Variants in ITGA11 observed in about 807,000 individuals in gnomAD.
The protein encoded by ITGA11 is integrin alpha-11.
In ITGA11, 97 loss-of-function variants were observed where a neutral mutation model predicts 141.9. That is an observed-to-expected ratio of 0.68 (90% CI 0.58 to 0.81). The LOEUF (loss-of-function observed/expected upper bound fraction) is 0.81. Ranked by LOEUF, ITGA11 falls within the 30% of genes least tolerant of loss-of-function variation. The pLI, the probability that ITGA11 is intolerant of heterozygous loss-of-function variation, is 0.00. For missense variants in ITGA11, 1,387 were observed against 1,559.2 expected (o/e 0.89, Z 1.86); for synonymous variants, 658 against 624.6 (o/e 1.05, Z -0.80).
At chr15:68,365,115 G>T in intron 3 of ITGA11, 1 of 982,458 alleles carries the variant, frequency 1.0e-6, no homozygotes, top group Non-Finnish European at 1.2e-6. Flanking sequence ...CCACTTCCCC[G>T]TGTGCCCCCA....
intron 21 of ITGA11, among the ~76,000 whole-genome samples, chr15:68,316,553 C>T (rs920582002): frequency 3.3e-5 from 5 of 152,314 alleles, no homozygotes; most frequent in East Asian, 3.9e-4. Context: ...ACCCAGAAAC[C>T]ACACCTTTGA....
rs538944045 is a variant in ITGA11, at chr15:68,389,480, C to T, written c.164+13438G>A. ...GTGTCCCCTTGGGGCTCACCAGGCT[C>T]CTGCCCTGAGGCAGAGGGACTAGAG... On this transcript the variant is annotated intron_variant, in intron 2 of 29. Coordinates refer to ENST00000315757, the MANE Select transcript of ITGA11 (RefSeq NM_001004439.2). Among the ~76,000 whole-genome samples the T allele has an allele frequency of 3.9e-5, 6 of 152,352 alleles. No homozygotes were observed. The South Asian group carries it at 1.2e-3, about 32-fold the overall frequency.
At chr15:68,362,545 A>G (rs1595878074) in intron 4 of ITGA11, among the ~76,000 whole-genome samples, 1 of 152,216 alleles carries the variant, frequency 6.6e-6, no homozygotes, top group Non-Finnish European at 1.5e-5. Context: ...GGATGGATGG[A>G]TAAGTGGATG....
chr15:68,377,683 C>G (rs1006720112), intron 2 of ITGA11, among the ~76,000 whole-genome samples: 1 of 152,238 alleles, frequency 6.6e-6, no homozygotes, highest in Non-Finnish European at 1.5e-5. Context: ...AATTTAAAAA[C>G]TGGAATCACT....
Position 68,350,780 on chromosome 15 carries a change from G to A in ITGA11, c.897C>T (p.Val299=). The A allele has an allele frequency of 6.2e-7, 1 of 1,611,746 alleles. No homozygotes were observed. The change falls in exon 9 of 30, where the codon GTC becomes GTT. Residue 299 remains valine (V), a splice_region_variant and synonymous_variant. Transcript: ENST00000315757. The stretch of plus-strand genomic sequence containing the variant: ...TCCCCCTGCGGTTGTAGTAGCCCAG[G>A]ACCTGCCAGGGAACAGGGGCAGGAA... ...RDNVTRYAVA[V]LGYYNRRGIN...
chr15:68,396,742 A>G, intron 2 of ITGA11, among the ~76,000 whole-genome samples: 1 of 150,078 alleles, frequency 6.7e-6, no homozygotes, highest in Admixed American at 6.8e-5. Flanking sequence ...TATTGTAAAT[A>G]TACAAAAATC....
intron 1 of ITGA11, among the ~76,000 whole-genome samples, chr15:68,428,984 T>C (rs903678734): frequency 2.9e-4 from 44 of 152,216 alleles, no homozygotes; most frequent in African/African-American, 1.1e-3. Flanking sequence ...CTCTGATTCT[T>C]CAATGTACTT....
intron 10 of ITGA11, among the ~76,000 whole-genome samples, chr15:68,342,800 G>C (rs1894612753): frequency 6.6e-6 from 1 of 152,166 alleles, no homozygotes; most frequent in South Asian, 2.1e-4. Flanking sequence ...AGTGAGTCGA[G>C]GCCAGAGATG....
intron 5 of ITGA11, among the ~76,000 whole-genome samples, chr15:68,359,611 ACTCCAGC>A (rs949635788): frequency 6.6e-6 from 1 of 152,112 alleles, no homozygotes; most frequent in African/African-American, 2.4e-5. Context: ...GGGCCACTAC[ACTCCAGC>A]CTGGGTGACA....
At chr15:68,309,027 A>G (rs185933662) in intron 26 of ITGA11, among the ~76,000 whole-genome samples, 178 of 152,372 alleles carry the variant, frequency 1.2e-3, no homozygotes, top group African/African-American at 4.2e-3. Context: ...CAGCTGCAGA[A>G]AAGAGCAGAA....
Position 68,300,644 on chromosome 15 carries a change from G to A in ITGA11, c.*2415C>T, listed in dbSNP as rs1567117651. On this transcript the variant is annotated 3_prime_UTR_variant, in exon 30 of 30. Transcript: ENST00000315757. Reference sequence around the variant, plus strand: ...TTGATAACAAATTGAGAGGCTAAGGGCCTTGATACAACTCTCAGTTTGTCC... The same window carrying A: ...TTGATAACAAATTGAGAGGCTAAGGACCTTGATACAACTCTCAGTTTGTCC... The A allele has an allele frequency of 6.6e-6, 1 of 152,174 alleles. No individual in the cohort carries two copies. Among genetic ancestry groups the A allele is most frequent in the Non-Finnish European group, 1.5e-5 (1 of 68,046 alleles). The allele number at this position is 152,174 out of a possible 1,614,324, so 9.4% of individuals were successfully genotyped here.
rs963681665 is a variant in ITGA11 at position 68,302,681 on chromosome 15, T to A, written c.*378A>T. 15 of 207,470 alleles carry A rather than the reference T, an allele frequency of 7.2e-5. No individual in the cohort carries two copies. Among genetic ancestry groups the A allele is most frequent in the African/African-American group, 3.5e-4 (15 of 42,842 alleles). The allele number at this position is 207,470 out of a possible 1,614,324, so 12.9% of individuals were successfully genotyped here. On this transcript the variant is annotated 3_prime_UTR_variant, in exon 30 of 30. Transcript: ENST00000315757. The stretch of plus-strand genomic sequence containing the variant: ...GGAGTGTGCAGATTGGGTTCGTATT[T>A]ACAGTCTTCCTCCCTGGGTTTCTCT...
At position 68,303,325 on chromosome 15, in the gene ITGA11, G is replaced by A. The variant is rs1893089214; in HGVS notation, c.3496-195C>T. Among the ~76,000 whole-genome samples, 1 of 152,134 alleles carries A rather than the reference G, an allele frequency of 6.6e-6. No individual in the cohort carries two copies. Among genetic ancestry groups the A allele is most frequent in the Admixed American group, 6.5e-5 (1 of 15,284 alleles). ...CAGTGGATGAGACCATGGGCTGCAT[G>A]CAAGAAGTCATACTAGTGCCCATCT... On this transcript the variant is annotated intron_variant, in intron 29 of 29. Coordinates refer to ENST00000315757, the MANE Select transcript of ITGA11 (RefSeq NM_001004439.2). This position sits in a 1 kb window ranked among gnomAD's most constrained non-coding sequence, Gnocchi z 5.3.
chr15:68,314,806 C>T (rs1011458859), intron 22 of ITGA11, among the ~76,000 whole-genome samples: 5 of 152,172 alleles, frequency 3.3e-5, no homozygotes, highest in East Asian at 3.8e-4. Flanking sequence ...GAGCACGTGT[C>T]GGGTATGAGT....
At chr15:68,428,459 T>C (rs1484786802) in intron 1 of ITGA11, among the ~76,000 whole-genome samples, 1 of 152,106 alleles carries the variant, frequency 6.6e-6, no homozygotes, top group Non-Finnish European at 1.5e-5. Flanking sequence ...ACATCCCCTC[T>C]CTGGGGGTCC....
At chr15:68,431,745 A>G (rs1475196665) in intron 1 of ITGA11, among the ~76,000 whole-genome samples, 2 of 152,190 alleles carry the variant, frequency 1.3e-5, no homozygotes, top group Non-Finnish European at 2.9e-5. Flanking sequence ...GGGCCACCAG[A>G]TCTGGGAGCT....
chr15:68,421,827 T>TC (rs1897025122), intron 1 of ITGA11, among the ~76,000 whole-genome samples: 1 of 152,262 alleles, frequency 6.6e-6, no homozygotes, highest in African/African-American at 2.4e-5. Context: ...TTTATTAAAA[T>TC]TTTTTTAGAA....
At chr15:68,415,849 A>G (rs1476210529) in intron 1 of ITGA11, among the ~76,000 whole-genome samples, 4 of 152,216 alleles carry the variant, frequency 2.6e-5, no homozygotes, top group Non-Finnish European at 5.9e-5. Context: ...GTGGATGCTC[A>G]GAAAGAGTGA....
Position 68,421,641 on chromosome 15 carries a change from A to G in ITGA11, c.52+10374T>C, listed in dbSNP as rs188033035. Among the ~76,000 whole-genome samples the G allele has an allele frequency of 2.8e-3, 382 of 135,868 alleles. 4 individuals are homozygous for G. Among genetic ancestry groups the G allele is most frequent in the African/African-American group, 0.01 (366 of 36,506 alleles). 89.1% of individuals were successfully genotyped at this position (135,868 alleles called of 152,430 possible). A position where few individuals can be genotyped will look rare whatever the true frequency, so the allele number is the denominator to read the frequency against. On this transcript the variant is annotated intron_variant, in intron 1 of 29. Coordinates refer to ENST00000315757, the MANE Select transcript of ITGA11 (RefSeq NM_001004439.2). ...CTGGTCTTCCTCTTTTGGGCTGAGCAGAGTGGGGAAGATAGATGGGAGATC... is the reference window on the plus strand; with the variant it reads ...CTGGTCTTCCTCTTTTGGGCTGAGCGGAGTGGGGAAGATAGATGGGAGATC...
Sources: gnomAD v4.1 joint callset for allele counts (sites outside exome capture counted in the v4.1 genomes callset) on GRCh38, gnomAD v4.1.1 for gene constraint, Gnocchi (gnomAD v3.1) non-coding constraint, MANE v1.5 for transcripts, NCBI Gene and HGNC (gene_info 2026-07-23, HGNC 2026-07-21) for gene names.